TLK1: variants seen among roughly 807,000 people sequenced by gnomAD.
TLK1 encodes serine/threonine-protein kinase tousled-like 1.
In TLK1, 24 loss-of-function variants were observed where a neutral mutation model predicts 105.3. The observed-to-expected ratio is 0.23, with a 90% CI of 0.17 to 0.32. The LOEUF is 0.32. Among genes scored for constraint, TLK1 ranks in the 10% least tolerant of loss-of-function variants. The probability of loss-of-function intolerance (pLI) is 1.00; values close to 1 mark genes in which losing one functional copy is unlikely to be tolerated. For missense variants in TLK1, 558 were observed against 910.5 expected (o/e 0.61, Z 4.98); for synonymous variants, 321 against 310.4 (o/e 1.03, Z -0.36).
rs1692465854 is a variant in TLK1, at chr2:171,160,824, C to A, written c.-396G>T. 2.9e-6 allele frequency: 1 copy of A among 350,594 alleles called. No individual in the cohort carries two copies. The highest frequency in any genetic ancestry group is 5.1e-6 in the Non-Finnish European group (1 of 196,722). The allele number at this position is 350,594 out of a possible 1,614,324, so 21.7% of individuals were successfully genotyped here. A position where few individuals can be genotyped will look rare whatever the true frequency, so the allele number is the denominator to read the frequency against. ...GCCGGCACCTCTGCAGTGCGTCGGC[C>A]CCCGGCGTCGCCCGGGAGGCGGCGG... On this transcript the variant is annotated 5_prime_UTR_variant, in exon 1 of 21. Transcript: ENST00000431350. This position sits in a 1 kb window ranked among gnomAD's most constrained non-coding sequence, Gnocchi z 4.4.
At chr2:171,216,214 C>T (rs1038190209) in intron 1 of TLK1, among the ~76,000 whole-genome samples, 8 of 152,194 alleles carry the variant, frequency 5.3e-5, no homozygotes, top group African/African-American at 1.9e-4. Context: ...CAGTGGCTCA[C>T]GCCTGTAATC....
chr2:171,048,950 C>T (rs1022122257), intron 10 of TLK1, among the ~76,000 whole-genome samples: 1 of 152,186 alleles, frequency 6.6e-6, no homozygotes, highest in Non-Finnish European at 1.5e-5. Context: ...GCCAATAAAT[C>T]CTTTTCTACC....
chr2:171,191,643 GA>G (rs1693157289), intron 1 of TLK1, among the ~76,000 whole-genome samples: 1 of 152,154 alleles, frequency 6.6e-6, no homozygotes, highest in Admixed American at 6.5e-5. Flanking sequence ...GCCTTGGGAG[GA>G]AGCAAAGGGA....
intron 18 of TLK1, among the ~76,000 whole-genome samples, chr2:171,001,620 C>T (rs1325171668): frequency 2.6e-5 from 4 of 152,198 alleles, no homozygotes; most frequent in Non-Finnish European, 1.5e-5. Context: ...TAGAGTTACC[C>T]TGTCCCTTCC....
chr2:171,093,508 T>C (rs1262689947), intron 2 of TLK1, among the ~76,000 whole-genome samples: 4 of 152,112 alleles, frequency 2.6e-5, no homozygotes, highest in Non-Finnish European at 5.9e-5. Context: ...TGAAAAACCA[T>C]ATCCATTTAG....
rs139407009 is a variant in TLK1, at chr2:171,022,147, T to C, written c.1236+6192A>G. Among the ~76,000 whole-genome samples, 321 of 139,318 alleles carry C rather than the reference T, an allele frequency of 2.3e-3. 2 individuals are homozygous for C. The highest frequency in any genetic ancestry group is 4.2e-3 in the Non-Finnish European group (271 of 63,854). The allele number at this position is 139,318 out of a possible 152,430, so 91.4% of individuals were successfully genotyped here. A position where few individuals can be genotyped will look rare whatever the true frequency, so the allele number is the denominator to read the frequency against. On this transcript the variant is annotated intron_variant, in intron 12 of 20. Transcript: ENST00000431350. Reference sequence around the variant, plus strand: ...CACACTGGGGAAGTAAAACACCTTTTACCTCTACATTTTCATTTTGGTAGC... The same window carrying C: ...CACACTGGGGAAGTAAAACACCTTTCACCTCTACATTTTCATTTTGGTAGC...
chr2:171,088,500 T>TA (rs1359208493), intron 2 of TLK1, among the ~76,000 whole-genome samples: 2 of 152,178 alleles, frequency 1.3e-5, no homozygotes, highest in South Asian at 2.1e-4. Flanking sequence ...GACACATTTT[T>TA]AAAAAATCAA....
At position 171,041,077 on chromosome 2, in the gene TLK1, T is replaced by C. The variant is rs890086392; in HGVS notation, c.1169+5097A>G. On this transcript the variant is annotated intron_variant, in intron 11 of 20. Transcript: ENST00000431350. The stretch of plus-strand genomic sequence containing the variant: ...AAGTAAAAATCTTGGTTAAAATGTA[T>C]TAGTAAAGGAAAATCAATGTAAGTG... 6.6e-5 allele frequency among the ~76,000 whole-genome samples: 10 copies of C among 152,244 alleles called. No individual in the cohort carries two copies. In the South Asian group the frequency reaches 8.3e-4, roughly 13 times the overall value.
At chr2:171,186,940 C>A (rs1693035525) in intron 1 of TLK1, among the ~76,000 whole-genome samples, 1 of 151,222 alleles carries the variant, frequency 6.6e-6, no homozygotes, top group South Asian at 2.1e-4. Flanking sequence ...TGCCTGTAAT[C>A]CCAGCTACTC....
intron 1 of TLK1, among the ~76,000 whole-genome samples, chr2:171,146,941 C>G (rs1385993093): frequency 1.3e-5 from 2 of 152,192 alleles, no homozygotes; most frequent in Non-Finnish European, 2.9e-5. Context: ...AAGGGATACC[C>G]AGCTCTATAA....
intron 1 of TLK1, among the ~76,000 whole-genome samples, chr2:171,179,234 G>A (rs1346461659): frequency 6.6e-6 from 1 of 152,194 alleles, no homozygotes; most frequent in African/African-American, 2.4e-5. Flanking sequence ...AGTCATCCCT[G>A]TCTCTTATTC....
Position 171,192,537 on chromosome 2 carries a change from G to A in TLK1, c.-6+38608C>T, listed in dbSNP as rs552884324. On this transcript the variant is annotated intron_variant, in intron 1 of 20. Transcript: ENST00000521943. ...TACTAAAAATAAAAAAAAATTAGCCGGGCATGGTTGCACGTGCCTGTAGTC... is the reference window on the plus strand; with the variant it reads ...TACTAAAAATAAAAAAAAATTAGCCAGGCATGGTTGCACGTGCCTGTAGTC... Among the ~76,000 whole-genome samples the A allele has an allele frequency of 2.6e-5, 4 of 152,130 alleles. No homozygotes were observed. The East Asian group carries it at 5.8e-4, about 22-fold the overall frequency.
At chr2:171,054,725 ATT>A (rs1236596962) in intron 7 of TLK1, 1 of 156,598 alleles carries the variant, frequency 6.4e-6, no homozygotes, top group Non-Finnish European at 1.4e-5. Flanking sequence ...AATGTTTATA[ATT>A]TGTCACATAT....
At position 171,053,830 on chromosome 2, in the gene TLK1, T is replaced by C; in HGVS notation, c.663A>G (p.Leu221=). The C allele has an allele frequency of 6.2e-7, 1 of 1,609,366 alleles. No individual in the cohort carries two copies. Among genetic ancestry groups the C allele is most frequent in the South Asian group, 1.1e-5 (1 of 90,428 alleles). Residue 221 remains leucine, a synonymous_variant, in exon 8 of 21, where the codon TTA becomes TTG. Transcript: ENST00000431350. ...IIQTDLTMLK[L]AALESNKIQD... ...GGATTTTATTACTTTCTAATGCTGC[T>C]AATTTCAGCATTGTGAGATCAGTCT...
intron 11 of TLK1, among the ~76,000 whole-genome samples, chr2:171,031,160 G>A (rs1463804115): frequency 6.6e-6 from 1 of 152,110 alleles, no homozygotes; most frequent in Non-Finnish European, 1.5e-5. Flanking sequence ...ACCCCCAAAT[G>A]ACAAAAGAGC....
intron 18 of TLK1, among the ~76,000 whole-genome samples, chr2:171,004,160 AC>A (rs1684533238): frequency 6.6e-6 from 1 of 151,972 alleles, no homozygotes; most frequent in Non-Finnish European, 1.5e-5. Context: ...ACGAGGTTTC[AC>A]CACGTTGGCC....
intron 12 of TLK1, among the ~76,000 whole-genome samples, chr2:171,027,720 A>G (rs1559351365): frequency 6.6e-6 from 1 of 152,238 alleles, no homozygotes; most frequent in Non-Finnish European, 1.5e-5. Flanking sequence ...ATTTTTTACC[A>G]AAAGGTAGTA....
intron 1 of TLK1, among the ~76,000 whole-genome samples, chr2:171,121,934 C>T (rs539707667): frequency 1.3e-5 from 2 of 152,240 alleles, no homozygotes; most frequent in Middle Eastern, 3.4e-3. Flanking sequence ...ATTCTTAACA[C>T]CTTCTAATTA....
chr2:171,205,334 T>C (rs1475035516), intron 1 of TLK1, among the ~76,000 whole-genome samples: 1 of 152,110 alleles, frequency 6.6e-6, no homozygotes, highest in African/African-American at 2.4e-5. Flanking sequence ...TTTTTTTTTT[T>C]TTTCCCCCAA....
Sources: gnomAD v4.1 joint callset for allele counts (sites outside exome capture counted in the v4.1 genomes callset) on GRCh38, gnomAD v4.1.1 for gene constraint, Gnocchi (gnomAD v3.1) non-coding constraint, MANE v1.5 for transcripts, NCBI Gene and HGNC (gene_info 2026-07-23, HGNC 2026-07-21) for gene names.